Variants in TFE3 observed in about 807,000 individuals in gnomAD.
TFE3 encodes the protein transcription factor binding to IGHM enhancer 3.
Under a neutral mutation model 35.0 loss-of-function variants are expected in TFE3, and 5 were observed. The observed-to-expected ratio is 0.14, with a 90% CI of 0.07 to 0.30. The LOEUF (loss-of-function observed/expected upper bound fraction) is 0.30. Among genes scored for constraint, TFE3 ranks in the 10% least tolerant of loss-of-function variants. TFE3 has a pLI of 1.00. For missense variants in TFE3, 374 were observed against 496.6 expected (o/e 0.75, Z 2.35); for synonymous variants, 211 against 215.6 (o/e 0.98, Z 0.18).
In TFE3 at chrX:49,042,276, G is replaced by A. The variant is rs782548893; in HGVS notation, c.116+835C>T. On this transcript the variant is annotated intron_variant, in intron 1 of 9. Transcript: ENST00000315869. ...GGGGTGTGGGGCTAGGGAGTGGGAA[G>A]GGCTGAGAGGCTAGAGCGAGTAGCA... is the stretch of plus-strand genomic sequence containing the variant. 4.5e-5 allele frequency among the ~76,000 whole-genome samples: 5 copies of A among 111,548 alleles called. No homozygotes were observed. The South Asian group carries it at 1.9e-3, about 42-fold the overall frequency.
intron 5 of TFE3, among the ~76,000 whole-genome samples, chrX:49,036,222 C>T (rs2064728461): frequency 9.1e-6 from 1 of 109,305 alleles, no homozygotes; most frequent in Non-Finnish European, 1.9e-5. Flanking sequence ...AATCCGAGAA[C>T]TTTGGGAGGC....
At chrX:49,034,780 T>C (rs1246564820) in intron 5 of TFE3, among the ~76,000 whole-genome samples, 2 of 112,023 alleles carry the variant, frequency 1.8e-5, no homozygotes, top group East Asian at 5.6e-4. Context: ...TCTCCAGTCT[T>C]TCACTCTGAT....
chrX:49,032,908 C>T (rs782160305), intron 8 of TFE3, among the ~76,000 whole-genome samples: 1 of 111,854 alleles, frequency 8.9e-6, no homozygotes, highest in East Asian at 2.8e-4. Context: ...CCTCGTGATC[C>T]GCCTGCCTTG....
chrX:49,036,645 T>C (rs1240877317), intron 5 of TFE3, among the ~76,000 whole-genome samples: 1 of 109,204 alleles, frequency 9.2e-6, no homozygotes, highest in Non-Finnish European at 1.9e-5. Context: ...CTACTAAAAA[T>C]ACAAAAATTA....
chrX:49,032,702 T>A (rs1210302098), intron 8 of TFE3, among the ~76,000 whole-genome samples: 1 of 103,861 alleles, frequency 9.6e-6, no homozygotes, highest in Non-Finnish European at 2.0e-5. Flanking sequence ...TGAGACAAAG[T>A]CTTGCTCTGT....
chrX:49,040,573 G>T lies in TFE3; in HGVS notation c.117-5C>A. The stretch of plus-strand genomic sequence containing the variant: ...TCCGGAAGCAAAGAGTTCAGGCTGA[G>T]GGGGAGGTGGAGTGGTGGTCAGTGA... On this transcript the variant is annotated splice_region_variant and splice_polypyrimidine_tract_variant and intron_variant, in intron 1 of 9. Transcript: ENST00000315869. 8.6e-7 allele frequency: 1 copy of T among 1,160,058 alleles called. No individual in the cohort carries two copies. The highest frequency in any genetic ancestry group is 2.4e-4 in the Middle Eastern group (1 of 4,212).
intron 3 of TFE3, 95 bp from the exon 4 acceptor site, chrX:49,038,537 T>C (rs1602498269): frequency 1.0e-5 from 11 of 1,062,699 alleles, no homozygotes; most frequent in East Asian, 6.6e-5. Context: ...TCCTAACTCA[T>C]TGGTGCCTAG....
Position 49,039,390 on chromosome X carries a change from G to C in TFE3, c.251C>G (p.Ala84Gly). 9 of 1,191,563 alleles carry C rather than the reference G, an allele frequency of 7.6e-6. No homozygotes were observed. Among genetic ancestry groups the C allele is most frequent in the Non-Finnish European group, 1.0e-5 (9 of 885,573 alleles). Residue 84 changes from alanine to glycine, a missense_variant, in exon 3 of 10, where the codon GCC becomes GGC. By Grantham distance (60) the Ala-to-Gly change is moderately conservative (BLOSUM62 0). Around this residue, in one of 3 missense-constraint regions of TFE3, gnomAD observed 90 missense variants for 87.5 expected, o/e 1.03. Transcript: ENST00000315869. ...LRSSLPISLQ[A>G]TPATPATLSA... ...GAGTGTAGCTGGGGTGGCTGGTGTG[G>C]CCTGCAGTGATATTGGGAGGCTGTG... is the stretch of plus-strand genomic sequence containing the variant.
chrX:49,030,520 A>G lies in TFE3; in HGVS notation c.1366T>C (p.Ser456Pro). The change falls in exon 10 of 10, where the codon TCT (serine) becomes CCT (proline). Residue 456 changes from serine to proline, a missense_variant. By Grantham distance (74) the Ser-to-Pro change is moderately conservative. Around this residue, in one of 3 missense-constraint regions of TFE3, gnomAD observed 117 missense variants for 111.9 expected, o/e 1.05. Coordinates refer to ENST00000315869, the MANE Select transcript of TFE3 (RefSeq NM_006521.6). ...GLLSLATTSA[S>P]DSLKPEQLDI... Reference sequence around the variant, plus strand: ...AGCTGCTCTGGCTTGAGGCTGTCAGAAGCCGAAGTCGTGGCCAAGGAAAGC... The same window carrying G: ...AGCTGCTCTGGCTTGAGGCTGTCAGGAGCCGAAGTCGTGGCCAAGGAAAGC... The G allele has an allele frequency of 8.3e-7, 1 of 1,211,538 alleles. No individual in the cohort carries two copies. Among genetic ancestry groups the G allele is most frequent in the Non-Finnish European group, 1.1e-6 (1 of 895,403 alleles).
chrX:49,040,461 C>T lies in TFE3; in HGVS notation c.224G>A (p.Arg75His), dbSNP rs781969126. The stretch of plus-strand genomic sequence containing the variant: ...ATAGACAAGTCATACATACCTTGAG[C>T]GAAGGGGTAAGGGTTGGCTTTTGAG... ...YELKSQPLPL[R>H]SSLPISLQAT... Residue 75 changes from arginine (R) to histidine (H), a missense_variant, in exon 2 of 10, where the codon CGC (arginine) becomes CAC (histidine). Arg to His is a conservative substitution (Grantham distance 29). This residue lies in a region of TFE3 where 90 missense variants were observed against 87.5 expected (regional missense o/e 1.03). Transcript: ENST00000315869. 1.7e-6 allele frequency: 2 copies of T among 1,205,275 alleles called. No individual in the cohort carries two copies. The highest frequency in any genetic ancestry group is 2.2e-6 in the Non-Finnish European group (2 of 890,257).
In TFE3 at chrX:49,028,730, C is replaced by T. The variant is rs1477387946; in HGVS notation, c.*1428G>A. On this transcript the variant is annotated 3_prime_UTR_variant, in exon 10 of 10. Transcript: ENST00000315869. ...TAAAACAAGGACAGGAGACTCTTTG[C>T]CAAAGTTAAAAGCGCATCAAACACG... 13 of 158,531 alleles carry T rather than the reference C, an allele frequency of 8.2e-5. No homozygotes were observed. Among genetic ancestry groups the T allele is most frequent in the Non-Finnish European group, 1.5e-4 (12 of 81,316 alleles). 13.1% of individuals were successfully genotyped at this position (158,531 alleles called of 1,213,427 possible).
Position 49,029,185 on chromosome X carries a change from T to A in TFE3, c.*973A>T. 5.7e-6 allele frequency: 1 copy of A among 174,461 alleles called. No homozygotes were observed. The highest frequency in any genetic ancestry group is 1.1e-5 in the Non-Finnish European group (1 of 90,947). The allele number at this position is 174,461 out of a possible 1,213,427, so 14.4% of individuals were successfully genotyped here. A position where few individuals can be genotyped will look rare whatever the true frequency, so the allele number is the denominator to read the frequency against. On this transcript the variant is annotated 3_prime_UTR_variant, in exon 10 of 10. Coordinates refer to ENST00000315869, the MANE Select transcript of TFE3 (RefSeq NM_006521.6). ...TAACCTGAACTCAGTCCCCCACTAA[T>A]ACCCATCACCTTCCCAAACTGCCCC...
chrX:49,042,986 G>A (rs1451530050), intron 1 of TFE3, 125 bp downstream of exon 1: 2 of 485,919 alleles, frequency 4.1e-6, no homozygotes, highest in Non-Finnish European at 6.4e-6. Context: ...CCCCCAAGAC[G>A]GGCGCCCCGA....
At chrX:49,030,851 G>C (rs782273328) in intron 9 of TFE3, among the ~76,000 whole-genome samples, 1 of 111,111 alleles carries the variant, frequency 9.0e-6, no homozygotes, top group Non-Finnish European at 1.9e-5. Context: ...TTGGGAGGCC[G>C]AGGCAGGTGG....
chrX:49,042,469 G>A (rs1397437824), intron 1 of TFE3, among the ~76,000 whole-genome samples: 2 of 111,411 alleles, frequency 1.8e-5, no homozygotes, highest in East Asian at 5.6e-4. Context: ...CTGGGTAGGC[G>A]GGCAGAGGGG....
rs782530972 is a variant in TFE3, at chrX:49,039,420, G to A, written c.231-10C>T. On this transcript the variant is annotated splice_polypyrimidine_tract_variant and intron_variant, in intron 2 of 9. Coordinates refer to ENST00000315869, the MANE Select transcript of TFE3 (RefSeq NM_006521.6). ...CAGTGATATTGGGAGGCTGTGGAAT[G>A]GGAAATATGGGGCCATATTTTAGGT... 1 of 1,164,317 alleles carries A rather than the reference G, an allele frequency of 8.6e-7. No homozygotes were observed.
In TFE3 at chrX:49,043,349, T is replaced by C; in HGVS notation, c.-123A>G. ...CGCCTCCTCCGCTAAGCCATGGAGC[T>C]AGCACTGCGCGGGCGGGCGGCGTCG... is the stretch of plus-strand genomic sequence containing the variant. On this transcript the variant is annotated 5_prime_UTR_variant, in exon 1 of 10. Transcript: ENST00000315869. 1 of 501,019 alleles carries C rather than the reference T, an allele frequency of 2.0e-6. No individual in the cohort carries two copies. The highest frequency in any genetic ancestry group is 3.0e-6 in the Non-Finnish European group (1 of 332,423). The allele number at this position is 501,019 out of a possible 1,213,427, so 41.3% of individuals were successfully genotyped here.
In TFE3 at chrX:49,038,312, G is replaced by T; in HGVS notation, c.665C>A (p.Pro222His). ...GGCAGGCAGTGGCTGGGCACTTGCG[G>T]GCCCCGGCGGTGGGGTGAGGGCCTG... Reference protein sequence around the residue: ...ASQALTPPPGPASAQPLPAPE... With the variant: ...ASQALTPPPGHASAQPLPAPE... The change falls in exon 4 of 10, where the codon CCC becomes CAC. Residue 222 changes from proline to histidine, a missense_variant. Transcript: ENST00000315869. 8.3e-7 allele frequency: 1 copy of T among 1,204,605 alleles called. No individual in the cohort carries two copies. The highest frequency in any genetic ancestry group is 1.1e-6 in the Non-Finnish European group (1 of 892,943).
At chrX:49,032,489 C>T (rs1557073915) in intron 8 of TFE3, among the ~76,000 whole-genome samples, 1 of 110,486 alleles carries the variant, frequency 9.1e-6, no homozygotes, top group Non-Finnish European at 1.9e-5. Flanking sequence ...CCACCCGTCT[C>T]GGCCTCCCCA....
Sources: allele counts gnomAD v4.1 joint callset (sites outside exome capture counted in the v4.1 genomes callset), GRCh38; gene constraint gnomAD v4.1.1; regional missense constraint gnomAD v4.1.1; transcripts MANE v1.5; gene names NCBI Gene and HGNC (gene_info 2026-07-23, HGNC 2026-07-21).